The following VMP1 variants were observed in gnomAD, a reference collection of about 807,000 sequenced individuals.
VMP1 encodes the protein vacuole membrane protein 1.
Under a neutral mutation model 56.0 loss-of-function variants are expected in VMP1, and 11 were observed. The ratio of observed to expected loss-of-function variants is 0.20; its 90% CI spans 0.12 to 0.32. VMP1 has a LOEUF of 0.32. Among genes scored for constraint, VMP1 ranks in the 10% least tolerant of loss-of-function variants. The pLI is 1.00. For synonymous variants in VMP1, 149 were observed against 165.0 expected (o/e 0.90, Z 0.74); for missense variants, 296 against 490.3 (o/e 0.60, Z 3.74).
intron 9 of VMP1, among the ~76,000 whole-genome samples, chr17:59,814,088 C>G (rs1238673949): frequency 6.6e-6 from 1 of 152,126 alleles, no homozygotes. Flanking sequence ...TCAAACGATT[C>G]TTTTGTTTCA....
At chr17:59,833,230 CA>C (rs2038875011) in intron 10 of VMP1, among the ~76,000 whole-genome samples, 1 of 151,944 alleles carries the variant, frequency 6.6e-6, no homozygotes, top group Admixed American at 6.6e-5. Flanking sequence ...GCCTTAAATG[CA>C]TGTTAAGAGT....
intron 1 of VMP1, 174 bp from the exon 2 acceptor site, chr17:59,731,247 C>T: frequency 8.7e-6 from 3 of 343,994 alleles, no homozygotes; most frequent in Non-Finnish European, 1.6e-5. Context: ...ATAAATTGTT[C>T]AATAGAATAA....
intron 7 of VMP1, among the ~76,000 whole-genome samples, chr17:59,775,180 G>T (rs1274020577): frequency 6.6e-6 from 1 of 152,072 alleles, no homozygotes; most frequent in Non-Finnish European, 1.5e-5. Flanking sequence ...TCCTGACCTC[G>T]CAATCCACCC....
At chr17:59,796,790 AT>A (rs1435102535) in intron 7 of VMP1, among the ~76,000 whole-genome samples, 1 of 152,128 alleles carries the variant, frequency 6.6e-6, no homozygotes, top group Non-Finnish European at 1.5e-5. Context: ...AATCATTTAG[AT>A]TTTTTTCAAT....
intron 7 of VMP1, among the ~76,000 whole-genome samples, chr17:59,800,606 A>G (rs144153212): frequency 6.6e-6 from 1 of 152,330 alleles, no homozygotes; most frequent in African/African-American, 2.4e-5. Flanking sequence ...GTTTTAATAT[A>G]TACAGTCATA....
At chr17:59,735,312 T>C (rs1318913617) in intron 2 of VMP1, 26 bp from the exon 3 acceptor site, 22 of 1,608,162 alleles carry the variant, frequency 1.4e-5, no homozygotes, top group Non-Finnish European at 1.6e-5. Flanking sequence ...AAATTCTGTT[T>C]TAATCTCTGC....
chr17:59,801,415 G>GT (rs201691308), intron 7 of VMP1, among the ~76,000 whole-genome samples: 27,111 of 143,484 alleles, frequency 0.19, 3,045 homozygotes, highest in East Asian at 0.45. Flanking sequence ...CCAGCTAATT[G>GT]TTTTTTTTTT....
At chr17:59,709,074 T>C (rs1456874786) in intron 1 of VMP1, among the ~76,000 whole-genome samples, 3 of 152,236 alleles carry the variant, frequency 2.0e-5, no homozygotes, top group Non-Finnish European at 2.9e-5. Context: ...TTTACCAGTT[T>C]ACCTATAGCT....
chr17:59,841,210 CCTGA>C lies in VMP1; in HGVS notation c.*1303_*1306del, dbSNP rs1386417978. Reference sequence around the variant, plus strand: ...GTTTTTGTTTTTTTATCAAATCCTGCCTGACTGTCTGCTTGTTTTGCCTACCATC... The same window carrying C: ...GTTTTTGTTTTTTTATCAAATCCTGCCTGTCTGCTTGTTTTGCCTACCATC... On this transcript the variant is annotated 3_prime_UTR_variant, in exon 12 of 12. Coordinates refer to ENST00000262291, the MANE Select transcript of VMP1 (RefSeq NM_030938.5). 3.2e-5 allele frequency: 14 copies of C among 443,772 alleles called. No homozygotes were observed. The highest frequency in any genetic ancestry group is 1.2e-4 in the East Asian group (2 of 16,820). The allele number at this position is 443,772 out of a possible 1,614,324, so 27.5% of individuals were successfully genotyped here. A position where few individuals can be genotyped will look rare whatever the true frequency, so the allele number is the denominator to read the frequency against.
intron 7 of VMP1, among the ~76,000 whole-genome samples, chr17:59,786,811 TCCTGCTTGCAG>T (rs1397870109): frequency 1.3e-5 from 2 of 152,224 alleles, no homozygotes; most frequent in Non-Finnish European, 2.9e-5. Context: ...CAGAAAAGCT[TCCTGCTTGCAG>T]GATCTCTTGC....
rs1020735783 is a variant in VMP1, at chr17:59,824,766, A to G, written c.974+6993A>G. ...TGGGTGCCTGTAGTCCCAGCTACTC[A>G]AGAGGCTGAGGTGGGAGAATCTCTT... On this transcript the variant is annotated intron_variant, in intron 10 of 11. Coordinates refer to ENST00000262291, the MANE Select transcript of VMP1 (RefSeq NM_030938.5). 2.7e-5 allele frequency among the ~76,000 whole-genome samples: 4 copies of G among 149,700 alleles called. No homozygotes were observed. The South Asian group carries it at 8.6e-4, about 32-fold the overall frequency.
chr17:59,726,901 T>C (rs2034628081), intron 1 of VMP1, among the ~76,000 whole-genome samples: 2 of 152,206 alleles, frequency 1.3e-5, no homozygotes, highest in African/African-American at 2.4e-5. Flanking sequence ...TGAACTGGTC[T>C]GAATATTTTG....
intron 7 of VMP1, among the ~76,000 whole-genome samples, chr17:59,780,907 T>C (rs1165145915): frequency 6.6e-6 from 1 of 152,120 alleles, no homozygotes; most frequent in Non-Finnish European, 1.5e-5. Flanking sequence ...TTTTCTTCAT[T>C]CCTTTTCATG....
chr17:59,787,692 G>A (rs538189939), intron 7 of VMP1, among the ~76,000 whole-genome samples: 1 of 152,222 alleles, frequency 6.6e-6, no homozygotes, highest in African/African-American at 2.4e-5. Context: ...CATGGTGGCA[G>A]GTGCCTGTAA....
At chr17:59,719,474 A>G (rs1442017287) in intron 1 of VMP1, among the ~76,000 whole-genome samples, 2 of 152,184 alleles carry the variant, frequency 1.3e-5, no homozygotes, top group African/African-American at 4.8e-5. Context: ...AGTAAAATTC[A>G]TCTGGATAGA....
intron 10 of VMP1, among the ~76,000 whole-genome samples, chr17:59,823,441 A>G (rs2038521773): frequency 8.6e-6 from 1 of 116,616 alleles, no homozygotes; most frequent in East Asian, 2.4e-4. Flanking sequence ...ACAGTGAGAT[A>G]TGTCTCAAAA....
intron 1 of VMP1, among the ~76,000 whole-genome samples, chr17:59,731,206 A>G (rs1385136345): frequency 6.6e-6 from 1 of 152,186 alleles, no homozygotes; most frequent in East Asian, 1.9e-4. Context: ...TATGGCTTTT[A>G]TATTTTTACT....
Position 59,840,104 on chromosome 17 carries a change from T to TTGTGGATA in VMP1, c.*193_*194insTGTGGATA. 1 of 600,080 alleles carries TTGTGGATA rather than the reference T, an allele frequency of 1.7e-6. No homozygotes were observed. 37.2% of individuals were successfully genotyped at this position (600,080 alleles called of 1,614,324 possible). ...CTGTGCTAAGGTAAGGTATCCACCC[T>TTGTGGATA]CGATGCAATCCACCTTGTGTTTTCT... On this transcript the variant is annotated 3_prime_UTR_variant, in exon 12 of 12. Transcript: ENST00000262291.
chr17:59,730,681 T>C (rs2034789915), intron 1 of VMP1, among the ~76,000 whole-genome samples: 1 of 152,196 alleles, frequency 6.6e-6, no homozygotes, highest in East Asian at 1.9e-4. Context: ...GCTTTTTGAG[T>C]AGAAAGTTTT....
Sources: gnomAD v4.1 joint callset for allele counts (sites outside exome capture counted in the v4.1 genomes callset) on GRCh38, gnomAD v4.1.1 for gene constraint, MANE v1.5 for transcripts, NCBI Gene and HGNC (gene_info 2026-07-23, HGNC 2026-07-21) for gene names.